Variants in TRMT13 observed in about 807,000 individuals in gnomAD.
TRMT13 encodes tRNA methyltransferase 13.
A neutral mutation model predicts 55.9 loss-of-function variants in TRMT13; 45 were observed. The observed-to-expected ratio is 0.80, with a 90% CI of 0.63 to 1.03. The LOEUF (loss-of-function observed/expected upper bound fraction) is 1.03, where lower values mean the gene tolerates loss of function less well. TRMT13 is among the 50% of genes least tolerant of loss of function. TRMT13 has a pLI of 0.00. For missense variants in TRMT13, 513 were observed against 563.9 expected, an observed-to-expected ratio of 0.91 and a Z score of 0.91; for synonymous variants, 183 against 196.3, an observed-to-expected ratio of 0.93 and a Z score of 0.57.
intron 3 of TRMT13, among the ~76,000 whole-genome samples, chr1:100,138,369 G>A (rs941177221): frequency 4.6e-5 from 7 of 152,234 alleles, no homozygotes; most frequent in African/African-American, 1.7e-4. Context: ...CAACCATTTT[G>A]AACTAAGAGT....
At chr1:100,143,886 C>T (rs924462209) in intron 8 of TRMT13, among the ~76,000 whole-genome samples, 183 bp from the exon 9 acceptor site, 6 of 152,128 alleles carry the variant, frequency 3.9e-5, no homozygotes, top group African/African-American at 1.4e-4. Flanking sequence ...AATATATTAA[C>T]TTTCTGATGT....
intron 3 of TRMT13, 51 bp downstream of exon 3, chr1:100,137,136 T>G (rs368086760): frequency 7.1e-7 from 1 of 1,416,076 alleles, no homozygotes; most frequent in Non-Finnish European, 9.9e-7. Flanking sequence ...ATGTAATGCC[T>G]TGGTAGATGC....
At chr1:100,142,339 ATACT>A in intron 7 of TRMT13, among the ~76,000 whole-genome samples, 1 of 152,318 alleles carries the variant, frequency 6.6e-6, no homozygotes, top group Non-Finnish European at 1.5e-5. Flanking sequence ...GAAGAGTCTG[ATACT>A]TAGAGAGATT....
At position 100,149,265 on chromosome 1, in the gene TRMT13, ATTT is replaced by A; in HGVS notation, c.*448_*450del. The A allele has an allele frequency of 6.6e-7, 1 of 1,516,362 alleles. No homozygotes were observed. The highest frequency in any genetic ancestry group is 8.8e-7 in the Non-Finnish European group (1 of 1,137,710). The allele number at this position is 1,516,362 out of a possible 1,614,324, so 93.9% of individuals were successfully genotyped here. On this transcript the variant is annotated 3_prime_UTR_variant, in exon 11 of 11. Transcript: ENST00000370141. ...CTGAGAATTTGACTTATATGTGGAC[ATTT>A]TTCCCTACAGATCTGGAAAGCACAA...
chr1:100,142,836 A>G, intron 7 of TRMT13: 1 of 319,538 alleles, frequency 3.1e-6, no homozygotes. Flanking sequence ...TGACAAAGAT[A>G]AAGGAGCTAG....
At chr1:100,137,134 C>T (rs1476333590) in intron 3 of TRMT13, 49 bp downstream of exon 3, 1 of 1,438,230 alleles carries the variant, frequency 7.0e-7, no homozygotes, top group Admixed American at 1.8e-5. Flanking sequence ...GTATGTAATG[C>T]CTTGGTAGAT....
rs1423219746 is a variant in TRMT13 at position 100,147,971 on chromosome 1, A to G, written c.895A>G (p.Ile299Val). ...GAATGAAGAACCTTTAGCCAAACGC[A>G]TAAAGAATGATAAAACAGAAAAAGA... ...ERNEEPLAKRIKNDKTEKEIY... is the reference protein window; with the variant it reads ...ERNEEPLAKRVKNDKTEKEIY... The change falls in exon 10 of 11, where the codon ATA becomes GTA. Residue 299 changes from isoleucine to valine, a missense_variant. Coordinates refer to ENST00000370141, the MANE Select transcript of TRMT13 (RefSeq NM_019083.3). The G allele has an allele frequency of 1.2e-6, 2 of 1,613,952 alleles. No individual in the cohort carries two copies. The highest frequency in any genetic ancestry group is 1.7e-5 in the Admixed American group (1 of 59,964).
Position 100,144,055 on chromosome 1 carries a change from C to T in TRMT13, c.743-14C>T, listed in dbSNP as rs758905248. On this transcript the variant is annotated splice_polypyrimidine_tract_variant and intron_variant, in intron 8 of 10. Coordinates refer to ENST00000370141, the MANE Select transcript of TRMT13 (RefSeq NM_019083.3). ...TTTATTTCACTAGACAGTTAATTCTCATTTCCATTTCAGACAAGATTCCTG... is the reference window on the plus strand; with the variant it reads ...TTTATTTCACTAGACAGTTAATTCTTATTTCCATTTCAGACAAGATTCCTG... 1.2e-6 allele frequency: 2 copies of T among 1,603,898 alleles called. No homozygotes were observed. Among genetic ancestry groups the T allele is most frequent in the Admixed American group, 3.3e-5 (2 of 59,936 alleles).
At chr1:100,136,525 CAATT>C (rs776943130) in intron 1 of TRMT13, among the ~76,000 whole-genome samples, 3 of 152,110 alleles carry the variant, frequency 2.0e-5, no homozygotes, top group Non-Finnish European at 2.9e-5. Context: ...AACTATTTGT[CAATT>C]AACATGAAAT....
At chr1:100,145,978 A>G (rs370670225) in intron 9 of TRMT13, among the ~76,000 whole-genome samples, 13 of 152,316 alleles carry the variant, frequency 8.5e-5, no homozygotes, top group African/African-American at 2.9e-4. Flanking sequence ...ATAACGTTTT[A>G]GTCTCAATCT....
rs768408047 is a variant in TRMT13, at chr1:100,136,770, T to G, written c.148-112T>G. On this transcript the variant is annotated intron_variant, in intron 1 of 10. Transcript: ENST00000370141. ...TTGCCAACTTTTCATTATGTCCTTG[T>G]AAGGTTTCCTTACCTTGTTTTGAGA... 221 of 1,037,742 alleles carry G rather than the reference T, an allele frequency of 2.1e-4. No homozygotes were observed. The Middle Eastern group carries it at 3.6e-3, about 17-fold the overall frequency. The allele number at this position is 1,037,742 out of a possible 1,614,324, so 64.3% of individuals were successfully genotyped here. A position where few individuals can be genotyped will look rare whatever the true frequency, so the allele number is the denominator to read the frequency against.
At chr1:100,143,340 G>C (rs1656846889) in intron 8 of TRMT13, 131 bp downstream of exon 8, 1 of 546,220 alleles carries the variant, frequency 1.8e-6, no homozygotes, top group African/African-American at 1.9e-5. Flanking sequence ...TGTTAATATA[G>C]AATGTTTTAT....
chr1:100,134,918 T>G (rs1186703295), intron 1 of TRMT13, among the ~76,000 whole-genome samples: 1 of 152,242 alleles, frequency 6.6e-6, no homozygotes, highest in African/African-American at 2.4e-5. Context: ...ATCTGTAATT[T>G]ATGATGTAAC....
intron 3 of TRMT13, among the ~76,000 whole-genome samples, 198 bp from the exon 4 acceptor site, chr1:100,139,451 A>G (rs1656321438): frequency 6.6e-6 from 1 of 152,184 alleles, no homozygotes; most frequent in South Asian, 2.1e-4. Flanking sequence ...TTTGTTATCT[A>G]CTGTGGTGGA....
In TRMT13 at chr1:100,148,752, G is replaced by A. The variant is rs771036279; in HGVS notation, c.1378G>A (p.Val460Met). The change falls in exon 11 of 11, where the codon GTG becomes ATG. Residue 460 changes from valine to methionine, a missense_variant. Coordinates refer to ENST00000370141, the MANE Select transcript of TRMT13 (RefSeq NM_019083.3). ...TTTGCAGTACTATACAGACCCTCTG[G>A]TGTCTTTGGAAAATGTTTTGTTAAC... ...PALQYYTDPL[V>M]SLENVLLTAL... The A allele has an allele frequency of 1.3e-6, 2 of 1,573,108 alleles. No individual in the cohort carries two copies. Among genetic ancestry groups the A allele is most frequent in the South Asian group, 1.2e-5 (1 of 82,730 alleles).
At chr1:100,145,170 G>T (rs59180752) in intron 9 of TRMT13, among the ~76,000 whole-genome samples, 4,854 of 152,272 alleles carry the variant, frequency 0.032, 280 homozygotes, top group African/African-American at 0.11. Flanking sequence ...CCCTAGGTGT[G>T]TAGTAGGCTA....
intron 8 of TRMT13, among the ~76,000 whole-genome samples, chr1:100,143,584 C>A (rs1003641196): frequency 2.0e-5 from 3 of 152,082 alleles, no homozygotes; most frequent in Admixed American, 2.0e-4. Context: ...TGAGATATTT[C>A]TCTGCCTAGC....
In TRMT13 at chr1:100,149,054, A is replaced by G. The variant is rs1392992488; in HGVS notation, c.*234A>G. On this transcript the variant is annotated 3_prime_UTR_variant, in exon 11 of 11. Transcript: ENST00000370141. The stretch of plus-strand genomic sequence containing the variant: ...ATCTTGAATTATATTATCCATCCGT[A>G]TTTATGGAGATTGGTAAAGTAGTTG... The G allele has an allele frequency of 6.3e-7, 1 of 1,599,490 alleles. No homozygotes were observed. Among genetic ancestry groups the G allele is most frequent in the Non-Finnish European group, 8.5e-7 (1 of 1,174,718 alleles).
chr1:100,141,359 G>C (rs1656598524), intron 7 of TRMT13, among the ~76,000 whole-genome samples: 1 of 152,084 alleles, frequency 6.6e-6, no homozygotes, highest in Non-Finnish European at 1.5e-5. Flanking sequence ...TGAGCATACT[G>C]CCAGGCCCCA....
Sources: allele counts gnomAD v4.1 joint callset (sites outside exome capture counted in the v4.1 genomes callset), GRCh38; gene constraint gnomAD v4.1.1; transcripts MANE v1.5; gene names NCBI Gene and HGNC (gene_info 2026-07-23, HGNC 2026-07-21).